The following TTC7B variants were observed in gnomAD, a reference collection of about 807,000 sequenced individuals.
TTC7B encodes tetratricopeptide repeat protein 7B.
Under a neutral mutation model 106.8 loss-of-function variants are expected in TTC7B, and 28 were observed. The ratio of observed to expected loss-of-function variants is 0.26; its 90% CI spans 0.19 to 0.36. The LOEUF is 0.36. Ranked by LOEUF, TTC7B falls within the 10% of genes least tolerant of loss-of-function variation. The pLI is 1.00. For synonymous variants in TTC7B, 405 were observed against 430.6 expected, an observed-to-expected ratio of 0.94 and a Z score of 0.74; for missense variants, 862 against 1,076.4, an observed-to-expected ratio of 0.80 and a Z score of 2.79.
chr14:90,791,140 T>C (rs4904732), intron 1 of TTC7B, among the ~76,000 whole-genome samples: 108,471 of 152,028 alleles, frequency 0.71, 42,411 homozygotes, highest in Non-Finnish European at 0.87. Flanking sequence ...CTTTGGAATG[T>C]TCTGGCATCC....
intron 19 of TTC7B, among the ~76,000 whole-genome samples, chr14:90,573,848 G>T (rs1891150008): frequency 6.6e-6 from 1 of 152,216 alleles, no homozygotes; most frequent in South Asian, 2.1e-4. Context: ...GCACACATTT[G>T]TTCCCTAGCA....
At chr14:90,760,904 CT>C (rs1890477820) in intron 3 of TTC7B, among the ~76,000 whole-genome samples, 1 of 152,256 alleles carries the variant, frequency 6.6e-6, no homozygotes, top group Non-Finnish European at 1.5e-5. Flanking sequence ...ATAGCACCCT[CT>C]TGTGGACAAA....
At chr14:90,748,488 T>A (rs1453349248) in intron 3 of TTC7B, among the ~76,000 whole-genome samples, 1 of 151,818 alleles carries the variant, frequency 6.6e-6, no homozygotes, top group Non-Finnish European at 1.5e-5. Flanking sequence ...CCACCACACA[T>A]GGCTAATTTT....
chr14:90,751,991 G>A (rs1158045928), intron 3 of TTC7B, among the ~76,000 whole-genome samples: 1 of 152,152 alleles, frequency 6.6e-6, no homozygotes, highest in Non-Finnish European at 1.5e-5. Flanking sequence ...GGGCAACAAG[G>A]ACTGCTGAGT....
intron 9 of TTC7B, among the ~76,000 whole-genome samples, chr14:90,661,117 G>T (rs970476127): frequency 6.6e-6 from 1 of 152,246 alleles, no homozygotes; most frequent in African/African-American, 2.4e-5. Flanking sequence ...AAGAGAAAGC[G>T]CGTGGCCCTG....
intron 15 of TTC7B, among the ~76,000 whole-genome samples, chr14:90,641,189 C>T (rs1885154047): frequency 6.6e-6 from 1 of 152,154 alleles, no homozygotes; most frequent in Non-Finnish European, 1.5e-5. Flanking sequence ...CCCTGTTAAG[C>T]TTATTCAAAG....
rs1014270253 is a variant in TTC7B, at chr14:90,575,417, G to T, written c.2310+2689C>A. ...CTCCTCCTGGGCCTCTAGGGTATAC[G>T]TGAAGACCCCCTTCCTCCCTTCCTC... is the stretch of plus-strand genomic sequence containing the variant. On this transcript the variant is annotated intron_variant, in intron 19 of 19. Coordinates refer to ENST00000328459, the MANE Select transcript of TTC7B (RefSeq NM_001010854.2). This position sits in a 1 kb window ranked among gnomAD's most constrained non-coding sequence, Gnocchi z 5.2. 2.0e-5 allele frequency among the ~76,000 whole-genome samples: 3 copies of T among 152,224 alleles called. No homozygotes were observed. The highest frequency in any genetic ancestry group is 4.8e-5 in the African/African-American group (2 of 41,464).
chr14:90,804,406 G>A (rs1382704576), intron 1 of TTC7B, among the ~76,000 whole-genome samples: 1 of 152,184 alleles, frequency 6.6e-6, no homozygotes, highest in Non-Finnish European at 1.5e-5. Flanking sequence ...TGGACAAGTG[G>A]CACTGAGTCC....
chr14:90,798,216 G>C (rs762286245), intron 1 of TTC7B, among the ~76,000 whole-genome samples: 4 of 152,164 alleles, frequency 2.6e-5, no homozygotes, highest in African/African-American at 9.7e-5. Context: ...CTCCATAAGC[G>C]TAAGAGAGCC....
intron 3 of TTC7B, among the ~76,000 whole-genome samples, chr14:90,780,416 AAAG>A (rs1483946203): frequency 6.6e-6 from 1 of 150,532 alleles, no homozygotes; most frequent in Admixed American, 6.6e-5. Flanking sequence ...ACAGAGAAAG[AAAG>A]AAAGAAAGAA....
At chr14:90,799,982 G>A (rs905598356) in intron 1 of TTC7B, among the ~76,000 whole-genome samples, 5 of 151,998 alleles carry the variant, frequency 3.3e-5, no homozygotes, top group South Asian at 4.1e-4. Flanking sequence ...ACAGGCGCCC[G>A]CCACCACGCC....
intron 1 of TTC7B, among the ~76,000 whole-genome samples, chr14:90,790,299 A>C (rs1270028249): frequency 2.6e-5 from 4 of 152,152 alleles, no homozygotes; most frequent in Non-Finnish European, 5.9e-5. Flanking sequence ...TTTTAGAAAA[A>C]AAAAAAAGTA....
intron 9 of TTC7B, among the ~76,000 whole-genome samples, chr14:90,661,139 C>G (rs376258335): frequency 6.6e-6 from 1 of 152,236 alleles, no homozygotes; most frequent in Non-Finnish European, 1.5e-5. Context: ...TGCCATGAGG[C>G]GCTGCAGCTG....
chr14:90,668,989 T>C (rs1427724036), intron 9 of TTC7B, among the ~76,000 whole-genome samples: 1 of 152,118 alleles, frequency 6.6e-6, no homozygotes. Flanking sequence ...GAAATTAAAA[T>C]AGTATGGTAT....
intron 1 of TTC7B, among the ~76,000 whole-genome samples, chr14:90,795,043 G>A (rs1184584408): frequency 2.0e-5 from 3 of 152,030 alleles, no homozygotes; most frequent in Non-Finnish European, 4.4e-5. Flanking sequence ...CAGCTGCAAG[G>A]TAGAACAGTG....
rs147277930 is a variant in TTC7B at position 90,759,932 on chromosome 14, G to A, written c.446-15010C>T. Among the ~76,000 whole-genome samples the A allele has an allele frequency of 0.01, 1,582 of 152,306 alleles. 12 individuals are homozygous for A. The highest frequency in any genetic ancestry group is 0.027 in the South Asian group (130 of 4,828). On this transcript the variant is annotated intron_variant, in intron 3 of 19. Coordinates refer to ENST00000328459, the MANE Select transcript of TTC7B (RefSeq NM_001010854.2). The surrounding 1 kb of genome is among the most constrained non-coding windows in gnomAD (Gnocchi z 4.1). Reference sequence around the variant, plus strand: ...GAGATAAAGCAGGCAGCTTAGATATGACACAGCCTCAACACCCAACCCAGA... The same window carrying A: ...GAGATAAAGCAGGCAGCTTAGATATAACACAGCCTCAACACCCAACCCAGA...
At chr14:90,809,805 G>C (rs893423694) in intron 1 of TTC7B, among the ~76,000 whole-genome samples, 1 of 152,244 alleles carries the variant, frequency 6.6e-6, no homozygotes, top group Admixed American at 6.5e-5. Context: ...TTGGTAAGAA[G>C]ACAAGGCACA....
chr14:90,698,992 C>T, intron 5 of TTC7B: 2 of 336,012 alleles, frequency 6.0e-6, no homozygotes, highest in East Asian at 9.7e-5. Context: ...TGGTTTTATC[C>T]TCCTCCTGCT....
Position 90,790,637 on chromosome 14 carries a change from G to A in TTC7B, c.122-4309C>T, listed in dbSNP as rs149337236. Reference sequence around the variant, plus strand: ...TCCCTGCCACAGGGACCCTGCATCTGAAAATGGCTCCTCTGGGCAGAATCT... The same window carrying A: ...TCCCTGCCACAGGGACCCTGCATCTAAAAATGGCTCCTCTGGGCAGAATCT... On this transcript the variant is annotated intron_variant, in intron 1 of 19. Coordinates refer to ENST00000328459, the MANE Select transcript of TTC7B (RefSeq NM_001010854.2). 2.2e-4 allele frequency among the ~76,000 whole-genome samples: 34 copies of A among 152,058 alleles called. No individual in the cohort carries two copies. In the East Asian group the frequency reaches 5.2e-3, roughly 23 times the overall value.
Sources: allele counts gnomAD v4.1 joint callset (sites outside exome capture counted in the v4.1 genomes callset), GRCh38; gene constraint gnomAD v4.1.1; non-coding constraint Gnocchi (gnomAD v3.1); transcripts MANE v1.5; gene names NCBI Gene and HGNC (gene_info 2026-07-23, HGNC 2026-07-21).